Variants in HLCS observed in about 807,000 individuals in gnomAD.
HLCS encodes biotin--protein ligase.
A neutral mutation model predicts 75.0 loss-of-function variants in HLCS; 53 were observed. That is an observed-to-expected ratio of 0.71 (90% CI 0.57 to 0.89). HLCS has a LOEUF of 0.89. HLCS is among the 40% of genes least tolerant of loss of function. HLCS has a pLI of 0.00. For synonymous variants in HLCS, 431 were observed against 428.6 expected (o/e 1.01, Z -0.07); for missense variants, 966 against 1,074.0 (o/e 0.90, Z 1.41).
intron 6 of HLCS, among the ~76,000 whole-genome samples, chr21:36,808,637 A>T (rs775426240): frequency 1.4e-4 from 22 of 152,212 alleles, no homozygotes; most frequent in Non-Finnish European, 1.0e-4. Context: ...AGACAGTGTT[A>T]TAATTTTTGC....
At chr21:36,905,453 T>G (rs1247367119) in intron 5 of HLCS, among the ~76,000 whole-genome samples, 1 of 152,130 alleles carries the variant, frequency 6.6e-6, no homozygotes, top group Non-Finnish European at 1.5e-5. Flanking sequence ...TTCAAGGGGG[T>G]TTATAAAATT....
chr21:36,913,788 C>T (rs1340349164), intron 5 of HLCS, among the ~76,000 whole-genome samples: 1 of 152,132 alleles, frequency 6.6e-6, no homozygotes, highest in African/African-American at 2.4e-5. Flanking sequence ...GAATGTGAAC[C>T]TTGAAGCTAC....
intron 5 of HLCS, among the ~76,000 whole-genome samples, chr21:36,912,596 G>A (rs900926630): frequency 6.6e-6 from 1 of 152,128 alleles, no homozygotes; most frequent in African/African-American, 2.4e-5. Context: ...AATAGTGTGG[G>A]TGTAATTTAC....
At chr21:36,920,320 G>A (rs368368011) in intron 5 of HLCS, among the ~76,000 whole-genome samples, 35 of 149,510 alleles carry the variant, frequency 2.3e-4, no homozygotes, top group African/African-American at 8.4e-4. Flanking sequence ...GTGACAGAAC[G>A]AGACCCTGTC....
At chr21:36,764,989 G>A (rs2089981526) in intron 8 of HLCS, 23 bp downstream of exon 8, 13 of 1,613,074 alleles carry the variant, frequency 8.1e-6, no homozygotes, top group Non-Finnish European at 1.1e-5. Flanking sequence ...CAGGGACATA[G>A]AAGGAGACTG....
intron 6 of HLCS, among the ~76,000 whole-genome samples, chr21:36,813,111 G>A (rs1219024460): frequency 6.6e-6 from 1 of 152,112 alleles, no homozygotes; most frequent in Non-Finnish European, 1.5e-5. Context: ...CCTGTTTTCT[G>A]GCAATATGCT....
chr21:36,959,218 A>T (rs1482294239), intron 2 of HLCS, among the ~76,000 whole-genome samples: 1 of 152,166 alleles, frequency 6.6e-6, no homozygotes, highest in African/African-American at 2.4e-5. Flanking sequence ...GCCCGCTCTG[A>T]TTCTGGAGCA....
At chr21:36,831,968 C>T (rs1371218832) in intron 6 of HLCS, among the ~76,000 whole-genome samples, 1 of 152,086 alleles carries the variant, frequency 6.6e-6, no homozygotes, top group Non-Finnish European at 1.5e-5. Flanking sequence ...GAGCCCAGGA[C>T]ACAGGGCACA....
intron 5 of HLCS, among the ~76,000 whole-genome samples, chr21:36,904,128 T>C (rs995095490): frequency 1.3e-5 from 2 of 152,192 alleles, no homozygotes; most frequent in Non-Finnish European, 2.9e-5. Context: ...TATTCTGTTA[T>C]AGCAACAGAA....
At chr21:36,914,202 C>T (rs2065835735) in intron 5 of HLCS, among the ~76,000 whole-genome samples, 1 of 152,216 alleles carries the variant, frequency 6.6e-6, no homozygotes, top group Non-Finnish European at 1.5e-5. Context: ...GCACATCTGG[C>T]TGGGTGGGCT....
At chr21:36,781,328 G>A (rs572092156) in intron 6 of HLCS, among the ~76,000 whole-genome samples, 20 of 151,652 alleles carry the variant, frequency 1.3e-4, no homozygotes, top group African/African-American at 3.6e-4. Flanking sequence ...AATTAACTTG[G>A]GGAGAACTGA....
At chr21:36,924,524 C>T (rs2066315474) in intron 5 of HLCS, among the ~76,000 whole-genome samples, 1 of 152,178 alleles carries the variant, frequency 6.6e-6, no homozygotes, top group Non-Finnish European at 1.5e-5. Context: ...TGCACCACTG[C>T]ACTCCAGCCT....
rs1228911327 is a variant in HLCS at position 36,956,453 on chromosome 21, G to A, written c.330+5583C>T. 2.0e-5 allele frequency among the ~76,000 whole-genome samples: 3 copies of A among 152,342 alleles called. No homozygotes were observed. In the East Asian group the frequency reaches 5.8e-4, roughly 29 times the overall value. ...TAAGATATTTGAGTTTGTAGGCCAG[G>A]TGTGGTGGCTCACACTTGTAATCCC... is the stretch of plus-strand genomic sequence containing the variant. On this transcript the variant is annotated intron_variant, in intron 2 of 10. Coordinates refer to ENST00000674895, the MANE Select transcript of HLCS (RefSeq NM_001352514.2).
At chr21:36,888,979 AAG>A (rs1359881117) in intron 6 of HLCS, among the ~76,000 whole-genome samples, 1 of 152,142 alleles carries the variant, frequency 6.6e-6, no homozygotes, top group Non-Finnish European at 1.5e-5. Context: ...TGATCAGACC[AAG>A]AACGGTGTAC....
In HLCS at chr21:36,767,234, C is replaced by A; in HGVS notation, c.1944G>T (p.Arg648=). The change falls in exon 7 of 11, where the codon CGG becomes CGT. Residue 648 remains arginine (R), a synonymous_variant. Transcript: ENST00000674895. ...ATGACTGACCTTTGCCCTCGGTCTGCCGGGCCGCGATCACTATTAAGCCCA... is the reference window on the plus strand; with the variant it reads ...ATGACTGACCTTTGCCCTCGGTCTGACGGGCCGCGATCACTATTAAGCCCA... ...QEMGLIVIAA[R]QTEGKGRGGN... is the part of the protein sequence containing the mutation. The A allele has an allele frequency of 6.2e-7, 1 of 1,614,164 alleles. No homozygotes were observed. The highest frequency in any genetic ancestry group is 1.1e-5 in the South Asian group (1 of 91,084).
intron 1 of HLCS, among the ~76,000 whole-genome samples, chr21:36,986,280 TA>T (rs1329858395): frequency 6.6e-6 from 1 of 152,188 alleles, no homozygotes; most frequent in Non-Finnish European, 1.5e-5. Context: ...TCCAGAACCA[TA>T]AGGCAAATAC....
intron 2 of HLCS, among the ~76,000 whole-genome samples, chr21:36,946,983 C>T (rs1405963808): frequency 1.3e-5 from 2 of 152,074 alleles, no homozygotes; most frequent in Admixed American, 6.6e-5. Flanking sequence ...AAACTAACAC[C>T]GTGGCAGGGC....
chr21:36,768,997 A>T (rs1418125831), intron 6 of HLCS, among the ~76,000 whole-genome samples: 1 of 152,212 alleles, frequency 6.6e-6, no homozygotes. Flanking sequence ...TGTTGTGAGC[A>T]GATCGCAAAA....
chr21:36,777,573 C>T lies in HLCS; in HGVS notation c.1893-10288G>A, dbSNP rs142207891. Among the ~76,000 whole-genome samples the T allele has an allele frequency of 5.1e-3, 771 of 152,342 alleles. 2 individuals carry two copies. Among genetic ancestry groups the T allele is most frequent in the African/African-American group, 0.015 (623 of 41,560 alleles). ...ATGCATTGAGCTGTCACGGCTTCTT[C>T]GTCTCCTTTAATCTGGTTCAGTTTC... On this transcript the variant is annotated intron_variant, in intron 6 of 10. Coordinates refer to ENST00000674895, the MANE Select transcript of HLCS (RefSeq NM_001352514.2).
Sources: allele counts gnomAD v4.1 joint callset (sites outside exome capture counted in the v4.1 genomes callset), GRCh38; gene constraint gnomAD v4.1.1; transcripts MANE v1.5; gene names NCBI Gene and HGNC (gene_info 2026-07-23, HGNC 2026-07-21).